The following TLK1 variants were observed in gnomAD, a reference collection of about 807,000 sequenced individuals.
TLK1 encodes tousled like kinase 1, also known as serine/threonine-protein kinase tousled-like 1.
TLK1 carries 24 observed loss-of-function variants against 105.3 expected under a neutral mutation model. The ratio of observed to expected loss-of-function variants is 0.23; its 90% CI spans 0.17 to 0.32. The LOEUF is 0.32. Among genes scored for constraint, TLK1 ranks in the 10% least tolerant of loss-of-function variants. TLK1 has a pLI of 1.00. For synonymous variants in TLK1, 321 were observed against 310.4 expected, an observed-to-expected ratio of 1.03 and a Z score of -0.36; for missense variants, 558 against 910.5, an observed-to-expected ratio of 0.61 and a Z score of 4.98.
chr2:171,058,334 TAA>T (rs1687596659), intron 4 of TLK1, 137 bp from the exon 5 acceptor site: 2 of 751,650 alleles, frequency 2.7e-6, no homozygotes, highest in African/African-American at 1.8e-5. Context: ...TGCCAATTTT[TAA>T]AAGTTCCAGT....
intron 2 of TLK1, among the ~76,000 whole-genome samples, chr2:171,103,252 T>C (rs1223684949): frequency 3.1e-5 from 4 of 130,014 alleles, no homozygotes; most frequent in Non-Finnish European, 4.8e-5. Context: ...AAGAAAAAAA[T>C]TGATCTCAAA....
intron 11 of TLK1, among the ~76,000 whole-genome samples, chr2:171,039,369 G>A (rs554875845): frequency 1.8e-3 from 274 of 152,232 alleles, no homozygotes; most frequent in South Asian, 5.2e-3. Flanking sequence ...AGGCTCAAGC[G>A]ATCCTCCCAC....
intron 3 of TLK1, among the ~76,000 whole-genome samples, chr2:171,074,792 A>T: frequency 6.6e-6 from 1 of 152,290 alleles, no homozygotes; most frequent in African/African-American, 2.4e-5. Context: ...TCACACTAAC[A>T]TATTTTAGAA....
At chr2:171,013,237 T>A (rs1685008889) in intron 13 of TLK1, among the ~76,000 whole-genome samples, 1 of 150,354 alleles carries the variant, frequency 6.7e-6, no homozygotes, top group Non-Finnish European at 1.5e-5. Flanking sequence ...GGTCTCGAAC[T>A]CCTAACCTCA....
In TLK1 at chr2:171,141,243, C is replaced by G. The variant is rs118163214; in HGVS notation, c.139+19047G>C. On this transcript the variant is annotated intron_variant, in intron 1 of 20. Coordinates refer to ENST00000431350, the MANE Select transcript of TLK1 (RefSeq NM_012290.5). ...AAAACTGACGAACGAGCTCATCAGT[C>G]CTGTGCAACAGAACTTTCTATTCTA... Among the ~76,000 whole-genome samples the G allele has an allele frequency of 5.8e-4, 88 of 152,236 alleles. 2 individuals carry two copies. The East Asian group carries it at 0.01, about 18-fold the overall frequency.
At chr2:171,098,854 G>C (rs1468832025) in intron 2 of TLK1, among the ~76,000 whole-genome samples, 9 of 152,050 alleles carry the variant, frequency 5.9e-5, no homozygotes, top group Non-Finnish European at 1.2e-4. Flanking sequence ...AATAACCACT[G>C]ATCATGAACA....
intron 1 of TLK1, among the ~76,000 whole-genome samples, chr2:171,206,037 G>GA (rs1693500639): frequency 6.6e-6 from 1 of 152,092 alleles, no homozygotes; most frequent in Non-Finnish European, 1.5e-5. Context: ...ATGAAACTAT[G>GA]TTATATTTTG....
At chr2:171,018,285 C>A (rs1298161552) in intron 12 of TLK1, among the ~76,000 whole-genome samples, 1 of 152,190 alleles carries the variant, frequency 6.6e-6, no homozygotes, top group Non-Finnish European at 1.5e-5. Flanking sequence ...CTAAACTCTG[C>A]CTGATCTTGT....
At chr2:171,084,000 T>A (rs771590283) in intron 2 of TLK1, among the ~76,000 whole-genome samples, 1 of 152,046 alleles carries the variant, frequency 6.6e-6, no homozygotes, top group Non-Finnish European at 1.5e-5. Context: ...CAAAAAAATG[T>A]ATAAAACTAA....
intron 1 of TLK1, among the ~76,000 whole-genome samples, chr2:171,119,850 C>T (rs1212204699): frequency 6.6e-6 from 1 of 152,050 alleles, no homozygotes; most frequent in African/African-American, 2.4e-5. Context: ...GAATATAAGA[C>T]CTAAAACTTT....
rs370094269 is a variant in TLK1 at position 171,106,270 on chromosome 2, T to C, written c.258+11469A>G. Among the ~76,000 whole-genome samples the C allele has an allele frequency of 1.2e-4, 19 of 152,328 alleles. 2 individuals carry two copies. In the East Asian group the frequency reaches 2.3e-3, roughly 19 times the overall value. ...AGGAAGAGTAAGTCCTGGTGTTCTA[T>C]AGCACTATAGGAAGACTATAATTAA... is the stretch of plus-strand genomic sequence containing the variant. On this transcript the variant is annotated intron_variant, in intron 2 of 20. Coordinates refer to ENST00000431350, the MANE Select transcript of TLK1 (RefSeq NM_012290.5).
chr2:171,092,245 T>A (rs1008187553), intron 2 of TLK1, among the ~76,000 whole-genome samples: 3 of 152,110 alleles, frequency 2.0e-5, no homozygotes, highest in African/African-American at 7.2e-5. Flanking sequence ...AGAAAAAAAA[T>A]CCATATTGTT....
intron 1 of TLK1, among the ~76,000 whole-genome samples, chr2:171,202,501 G>T (rs904080330): frequency 6.6e-6 from 1 of 152,088 alleles, no homozygotes; most frequent in Non-Finnish European, 1.5e-5. Flanking sequence ...GCTTATGCCT[G>T]TAATCCCAGC....
In TLK1 at chr2:171,013,318, C is replaced by CTTTTTT. The variant is rs774923512; in HGVS notation, c.1334+1527_1334+1532dup. ...ATGAGCTACCACACCTGGCCCCTCA[C>CTTTTTT]TTTTTTTTTTTTTTTTTTTTTTTTT... On this transcript the variant is annotated intron_variant, in intron 13 of 20. Coordinates refer to ENST00000431350, the MANE Select transcript of TLK1 (RefSeq NM_012290.5). Among the ~76,000 whole-genome samples, 14 of 74,152 alleles carry CTTTTTT rather than the reference C, an allele frequency of 1.9e-4. 3 individuals are homozygous for CTTTTTT. Among genetic ancestry groups the CTTTTTT allele is most frequent in the African/African-American group, 7.7e-4 (14 of 18,252 alleles). The allele number at this position is 74,152 out of a possible 152,430, so 48.6% of individuals were successfully genotyped here.
At chr2:171,015,689 A>T (rs1685155796) in intron 12 of TLK1, among the ~76,000 whole-genome samples, 1 of 2,980 alleles carries the variant, frequency 3.4e-4, no homozygotes, top group Non-Finnish European at 1.3e-3. Context: ...ATTCATTCAT[A>T]CACACACACA....
At chr2:171,202,848 T>C (rs1480714592) in intron 1 of TLK1, among the ~76,000 whole-genome samples, 6 of 152,206 alleles carry the variant, frequency 3.9e-5, no homozygotes, top group African/African-American at 1.4e-4. Flanking sequence ...CTGGCACATA[T>C]AAATATCATT....
At chr2:171,161,708 G>T (rs79700496), upstream of TLK1, among the ~76,000 whole-genome samples, 1 of 152,156 alleles carries the variant, frequency 6.6e-6, no homozygotes, top group Admixed American at 6.5e-5. Flanking sequence ...ATGGTTTCTA[G>T]AAACTTATAA....
chr2:171,042,666 C>T (rs1295949312), intron 11 of TLK1, among the ~76,000 whole-genome samples: 1 of 148,546 alleles, frequency 6.7e-6, no homozygotes, highest in Non-Finnish European at 1.5e-5. Flanking sequence ...CAAGTATGCA[C>T]AAAATATCAT....
intron 18 of TLK1, among the ~76,000 whole-genome samples, chr2:171,000,456 GTTAA>G (rs1684309038): frequency 6.6e-6 from 1 of 150,558 alleles, no homozygotes; most frequent in African/African-American, 2.4e-5. Context: ...AACATGAACA[GTTAA>G]TTAATACATA....
Sources: gnomAD v4.1 joint callset for allele counts (sites outside exome capture counted in the v4.1 genomes callset) on GRCh38, gnomAD v4.1.1 for gene constraint, MANE v1.5 for transcripts, NCBI Gene and HGNC (gene_info 2026-07-23, HGNC 2026-07-21) for gene names.